Variants in PRKDC observed in about 807,000 individuals in gnomAD.
The protein encoded by PRKDC is DNA-dependent protein kinase catalytic subunit.
In PRKDC, 82 loss-of-function variants were observed where a neutral mutation model predicts 486.9. That is an observed-to-expected ratio of 0.17 (90% CI 0.14 to 0.20). PRKDC has a LOEUF of 0.20. Among genes scored for constraint, PRKDC ranks in the 10% least tolerant of loss-of-function variants. PRKDC has a pLI of 1.00. For synonymous variants in PRKDC, 1,895 were observed against 1,837.0 expected (o/e 1.03, Z -0.81); for missense variants, 4,504 against 5,038.2 (o/e 0.89, Z 3.21).
At chr8:47,838,228 A>C (rs2088069521) in intron 56 of PRKDC, among the ~76,000 whole-genome samples, 1 of 152,250 alleles carries the variant, frequency 6.6e-6, no homozygotes, top group Non-Finnish European at 1.5e-5. Context: ...AATGCATATG[A>C]AATCCAAATA....
intron 59 of PRKDC, among the ~76,000 whole-genome samples, chr8:47,833,395 A>G (rs919627863): frequency 5.3e-5 from 8 of 151,930 alleles, no homozygotes; most frequent in Non-Finnish European, 8.8e-5. Flanking sequence ...CTCTCTGCAC[A>G]TGTCCTTCCT....
chr8:47,957,332 CA>C (rs2090720941), intron 2 of PRKDC, 22 bp downstream of exon 2: 3 of 1,594,452 alleles, frequency 1.9e-6, no homozygotes, highest in East Asian at 2.2e-5. Context: ...ACAAGAAAAG[CA>C]AAACCAAAAT....
At chr8:47,935,101 A>G in intron 13 of PRKDC, 43 bp from the exon 14 acceptor site, 1 of 1,307,590 alleles carries the variant, frequency 7.6e-7, no homozygotes, top group Admixed American at 2.6e-5. Flanking sequence ...AAACACTGAA[A>G]AACAGAATCA....
At chr8:47,868,044 G>C (rs2088859000) in intron 40 of PRKDC, among the ~76,000 whole-genome samples, 1 of 152,138 alleles carries the variant, frequency 6.6e-6, no homozygotes, top group South Asian at 2.1e-4. Context: ...ACACCAATAG[G>C]TTATGGCGTA....
intron 40 of PRKDC, among the ~76,000 whole-genome samples, chr8:47,876,201 C>A (rs1043623286): frequency 1.3e-5 from 2 of 152,120 alleles, no homozygotes; most frequent in African/African-American, 4.8e-5. Flanking sequence ...ACCTAAAAAT[C>A]ATGGAACTAT....
intron 39 of PRKDC, 99 bp from the exon 40 acceptor site, chr8:47,877,950 A>T: frequency 1.2e-6 from 1 of 848,464 alleles, no homozygotes; most frequent in Non-Finnish European, 1.6e-6. Flanking sequence ...TTCTTATATA[A>T]TAAAAAATAT....
At position 47,957,230 on chromosome 8, in the gene PRKDC, A is replaced by G. The variant is rs759505708; in HGVS notation, c.265T>C (p.Leu89=). The G allele has an allele frequency of 6.2e-7, 1 of 1,602,656 alleles. No homozygotes were observed. The highest frequency in any genetic ancestry group is 1.7e-5 in the Admixed American group (1 of 59,908). The part of the protein sequence containing the change: ...RECREEILKF[L]CIFLEKMGQK... ...CCCATTTTTTCTAAGAAAATACATA[A>G]AAACTTTAGGATTTCTTCTCTACAT... Residue 89 remains leucine (L), a synonymous_variant, in exon 3 of 86, where the codon TTA becomes CTA. Transcript: ENST00000314191.
At chr8:47,859,903 A>T (rs8178139) in intron 45 of PRKDC, 144 bp from the exon 46 acceptor site, 1 of 844,406 alleles carries the variant, frequency 1.2e-6, no homozygotes, top group Non-Finnish European at 1.8e-6. Flanking sequence ...CCTATTATCC[A>T]GATTAAGAAA....
At chr8:47,824,832 G>A (rs2087696409) in intron 63 of PRKDC, among the ~76,000 whole-genome samples, 1 of 152,122 alleles carries the variant, frequency 6.6e-6, no homozygotes, top group African/African-American at 2.4e-5. Context: ...CCATCTTGCA[G>A]TCTCAACCCA....
At chr8:47,820,494 A>T (rs1279410889) in intron 66 of PRKDC, among the ~76,000 whole-genome samples, 2 of 152,048 alleles carry the variant, frequency 1.3e-5, no homozygotes, top group African/African-American at 4.8e-5. Flanking sequence ...AAAAAGATTT[A>T]AAAAGGCATT....
At chr8:47,827,944 G>A (rs55838146) in intron 62 of PRKDC, among the ~76,000 whole-genome samples, 4 of 152,216 alleles carry the variant, frequency 2.6e-5, no homozygotes, top group African/African-American at 9.6e-5. Context: ...AAAATAAAAC[G>A]TAACATGTTT....
At chr8:47,934,872 T>G in intron 14 of PRKDC, 137 bp downstream of exon 14, 1 of 608,072 alleles carries the variant, frequency 1.6e-6, no homozygotes, top group Non-Finnish European at 2.9e-6. Flanking sequence ...TGTCCTACAC[T>G]TTTCAAAATG....
chr8:47,817,379 G>A (rs1215158112), intron 68 of PRKDC, 71 bp downstream of exon 68: 3 of 1,113,728 alleles, frequency 2.7e-6, no homozygotes, highest in Non-Finnish European at 3.9e-6. Flanking sequence ...CTAAACCATG[G>A]TTTGGAAGAA....
At chr8:47,820,148 C>G (rs944702914) in intron 66 of PRKDC, among the ~76,000 whole-genome samples, 1 of 152,182 alleles carries the variant, frequency 6.6e-6, no homozygotes. Flanking sequence ...AGCGTTGGCT[C>G]ACGTCTGTAA....
chr8:47,868,400 A>C (rs911729972), intron 40 of PRKDC, among the ~76,000 whole-genome samples: 2 of 151,914 alleles, frequency 1.3e-5, no homozygotes, highest in African/African-American at 4.8e-5. Flanking sequence ...ACGTTTAAAA[A>C]AAAAAAAAGA....
At chr8:47,888,419 T>C (rs2089381913) in intron 34 of PRKDC, 99 bp downstream of exon 34, 17 of 1,046,952 alleles carry the variant, frequency 1.6e-5, no homozygotes, top group Non-Finnish European at 2.2e-5. Flanking sequence ...CATTTCAGCA[T>C]GCTCAATACA....
chr8:47,815,163 G>A (rs1169298491), intron 68 of PRKDC, among the ~76,000 whole-genome samples: 2 of 152,064 alleles, frequency 1.3e-5, no homozygotes, highest in Non-Finnish European at 2.9e-5. Flanking sequence ...AGAAAAGTTC[G>A]AGAACTCATC....
intron 30 of PRKDC, among the ~76,000 whole-genome samples, chr8:47,893,765 G>A (rs1317825871): frequency 6.6e-6 from 1 of 152,166 alleles, no homozygotes; most frequent in Admixed American, 6.5e-5. Context: ...CATGTGCTTA[G>A]AATAACGTCT....
chr8:47,813,313 T>C (rs937555661), intron 68 of PRKDC, among the ~76,000 whole-genome samples: 7 of 151,944 alleles, frequency 4.6e-5, no homozygotes, highest in African/African-American at 1.5e-4. Context: ...AGGCAGGGCT[T>C]CACCATATTG....
Sources: allele counts gnomAD v4.1 joint callset (sites outside exome capture counted in the v4.1 genomes callset), GRCh38; gene constraint gnomAD v4.1.1; transcripts MANE v1.5; gene names NCBI Gene and HGNC (gene_info 2026-07-23, HGNC 2026-07-21).